Variants in CACNA2D4 observed in about 807,000 individuals in gnomAD.
CACNA2D4 encodes the protein voltage-dependent calcium channel subunit alpha-2/delta-4.
In CACNA2D4, 157 loss-of-function variants were observed where a neutral mutation model predicts 163.8. The observed-to-expected ratio is 0.96, with a 90% CI of 0.84 to 1.09. CACNA2D4 has a LOEUF of 1.09. CACNA2D4 is among the 50% of genes least tolerant of loss of function. The pLI is 0.00. For synonymous variants in CACNA2D4, 598 were observed against 586.9 expected, an observed-to-expected ratio of 1.02 and a Z score of -0.27; for missense variants, 1,410 against 1,479.9, an observed-to-expected ratio of 0.95 and a Z score of 0.78.
At chr12:1,822,420 A>G (rs564256145) in intron 26 of CACNA2D4, among the ~76,000 whole-genome samples, 7 of 152,138 alleles carry the variant, frequency 4.6e-5, no homozygotes, top group African/African-American at 1.7e-4. Context: ...TTTTTCCCCC[A>G]GCCAAGCCTC....
At chr12:1,800,905 G>A in intron 31 of CACNA2D4, 138 bp downstream of exon 31, 1 of 740,558 alleles carries the variant, frequency 1.4e-6, no homozygotes, top group South Asian at 1.7e-5. Context: ...GCTCTGAGCA[G>A]AAGATGGAGA....
At chr12:1,853,861 C>T in intron 23 of CACNA2D4, 90 bp downstream of exon 23, 1 of 1,002,802 alleles carries the variant, frequency 1.0e-6, no homozygotes, top group Non-Finnish European at 1.5e-6. Context: ...CTCTCCTGAG[C>T]CACCAGCCAG....
At position 1,809,717 on chromosome 12, in the gene CACNA2D4, G is replaced by A. The variant is rs374761320; in HGVS notation, c.2721+561C>T. On this transcript the variant is annotated intron_variant, in intron 29 of 37. Transcript: ENST00000382722. The stretch of plus-strand genomic sequence containing the variant: ...GCGGGGGGAGGATTAGGATGTGCAA[G>A]CCAGGCATTCAGGCGAGAAAGCATC... 1.2e-4 allele frequency: 72 copies of A among 612,310 alleles called. 1 individual carries two copies. The South Asian group carries it at 1.3e-3, about 11-fold the overall frequency. The allele number at this position is 612,310 out of a possible 1,614,324, so 37.9% of individuals were successfully genotyped here.
chr12:1,916,250 G>A (rs1866976030), intron 1 of CACNA2D4, among the ~76,000 whole-genome samples: 1 of 152,136 alleles, frequency 6.6e-6, no homozygotes, highest in South Asian at 2.1e-4. Flanking sequence ...GTGTACCTTG[G>A]GCTCTGCTGA....
At chr12:1,908,132 GC>G in intron 4 of CACNA2D4, 95 bp from the exon 5 acceptor site, 1 of 1,291,492 alleles carries the variant, frequency 7.7e-7, no homozygotes, top group South Asian at 1.5e-5. Context: ...GGACGAGAGG[GC>G]CGGGGCCGGG....
intron 26 of CACNA2D4, chr12:1,831,356 C>A (rs749820740): frequency 6.2e-7 from 1 of 1,613,964 alleles, no homozygotes; most frequent in South Asian, 1.1e-5. Flanking sequence ...TCGACGGGCT[C>A]CTGGCTCTGC....
chr12:1,916,563 C>T (rs1194874274), intron 1 of CACNA2D4, among the ~76,000 whole-genome samples: 7 of 60,272 alleles, frequency 1.2e-4, no homozygotes, highest in Admixed American at 1.7e-4. Context: ...CCCCCACCTC[C>T]GGGGCAGGCA....
rs765740392 is a variant in CACNA2D4 at position 1,887,035 on chromosome 12, A to T, written c.816T>A (p.Ile272=). Residue 272 remains isoleucine, a synonymous_variant, in exon 7 of 38, where the codon ATT becomes ATA. Coordinates refer to ENST00000382722, the MANE Select transcript of CACNA2D4 (RefSeq NM_172364.5). ...AGCCGCGGTTTCGGCAGTCAAAAGT[A>T]ATGACTCCATTCTCATCAGGTGTCC... ...IKWTPDENGV[I]TFDCRNRGWY... 1 of 1,595,020 alleles carries T rather than the reference A, an allele frequency of 6.3e-7. No homozygotes were observed.
At position 1,878,588 on chromosome 12, in the gene CACNA2D4, C is replaced by T; in HGVS notation, c.1645-199G>A. On this transcript the variant is annotated intron_variant, in intron 15 of 37. Coordinates refer to ENST00000382722, the MANE Select transcript of CACNA2D4 (RefSeq NM_172364.5). This position sits in a 1 kb window ranked among gnomAD's most constrained non-coding sequence, Gnocchi z 4.6. ...CCTTTCCAAACCGGACTGTTTATAG[C>T]AACCGTCATCATACATATTATTACC... 6 of 960,932 alleles carry T rather than the reference C, an allele frequency of 6.2e-6. No homozygotes were observed. Among genetic ancestry groups the T allele is most frequent in the Non-Finnish European group, 7.9e-6 (5 of 631,762 alleles). The allele number at this position is 960,932 out of a possible 1,614,324, so 59.5% of individuals were successfully genotyped here.
intron 11 of CACNA2D4, 54 bp from the exon 12 acceptor site, chr12:1,884,375 T>G: frequency 1.4e-6 from 2 of 1,404,772 alleles, no homozygotes; most frequent in South Asian, 2.4e-5. Flanking sequence ...CCATAAGTAA[T>G]GTTAACATTG....
intron 3 of CACNA2D4, among the ~76,000 whole-genome samples, chr12:1,910,469 A>G (rs927503903): frequency 1.3e-5 from 2 of 152,104 alleles, no homozygotes; most frequent in African/African-American, 4.8e-5. Context: ...ATAGCGGGGA[A>G]GGCTGTGGCA....
At chr12:1,830,261 A>G (rs1565694525) in intron 26 of CACNA2D4, among the ~76,000 whole-genome samples, 1 of 152,224 alleles carries the variant, frequency 6.6e-6, no homozygotes, top group East Asian at 1.9e-4. Context: ...GTGGGACCCT[A>G]GGTGCACAGC....
At chr12:1,831,132 G>T in intron 26 of CACNA2D4, 1 of 1,613,894 alleles carries the variant, frequency 6.2e-7, no homozygotes, top group Non-Finnish European at 8.5e-7. Flanking sequence ...CTGGGCTTTC[G>T]CCAACCTCTC....
At chr12:1,909,230 C>T (rs934493726) in intron 4 of CACNA2D4, among the ~76,000 whole-genome samples, 2 of 152,332 alleles carry the variant, frequency 1.3e-5, no homozygotes, top group African/African-American at 2.4e-5. Flanking sequence ...CTCGCTCTGT[C>T]GCCCAGGCTG....
At chr12:1,860,253 C>T (rs181069562) in intron 18 of CACNA2D4, 47 bp from the exon 19 acceptor site, 944 of 1,490,252 alleles carry the variant, frequency 6.3e-4, no homozygotes, top group Non-Finnish European at 8.1e-4. Context: ...GAAGAGCGGC[C>T]CCCAGCCCCC....
chr12:1,870,262 G>A (rs1865742105), intron 18 of CACNA2D4, among the ~76,000 whole-genome samples: 1 of 152,154 alleles, frequency 6.6e-6, no homozygotes, highest in Non-Finnish European at 1.5e-5. Flanking sequence ...TCGGCTTTCC[G>A]TGTTGCATTC....
rs552262991 is a variant in CACNA2D4, at chr12:1,832,478, G to A, written c.2551+8261C>T. On this transcript the variant is annotated intron_variant, in intron 26 of 37. Coordinates refer to ENST00000382722, the MANE Select transcript of CACNA2D4 (RefSeq NM_172364.5). ...GTGGACTTGAAACACCATTTGGCAC[G>A]AAGAAGATGCTCAATGAATGTTTGC... Among the ~76,000 whole-genome samples the A allele has an allele frequency of 4.6e-4, 70 of 152,310 alleles. No individual in the cohort carries two copies. The South Asian group carries it at 7.0e-3, about 15-fold the overall frequency.
chr12:1,889,750 T>A (rs1455573450), intron 6 of CACNA2D4, among the ~76,000 whole-genome samples: 1 of 152,058 alleles, frequency 6.6e-6, no homozygotes, highest in East Asian at 1.9e-4. Context: ...TTGGGGAAAT[T>A]TATTTTTTAA....
chr12:1,887,742 A>G (rs967278438), intron 6 of CACNA2D4, among the ~76,000 whole-genome samples: 1 of 152,224 alleles, frequency 6.6e-6, no homozygotes, highest in Non-Finnish European at 1.5e-5. Flanking sequence ...ATGATCCACA[A>G]TAGAATCTCG....
Sources: gnomAD v4.1 joint callset for allele counts (sites outside exome capture counted in the v4.1 genomes callset) on GRCh38, gnomAD v4.1.1 for gene constraint, Gnocchi (gnomAD v3.1) non-coding constraint, MANE v1.5 for transcripts, NCBI Gene and HGNC (gene_info 2026-07-23, HGNC 2026-07-21) for gene names.